The following SLCO1A2 variants were observed in gnomAD, a reference collection of about 807,000 sequenced individuals.
SLCO1A2 encodes OATP-1.
In SLCO1A2, 67 loss-of-function variants were observed where a neutral mutation model predicts 69.0. The ratio of observed to expected loss-of-function variants is 0.97; its 90% confidence interval spans 0.80 to 1.19. The LOEUF is 1.19. SLCO1A2 is among the 50% of genes most tolerant of loss of function. SLCO1A2 has a pLI of 0.00. For synonymous variants in SLCO1A2, 260 were observed against 265.9 expected (o/e 0.98, Z 0.22); for missense variants, 787 against 793.7 (o/e 0.99, Z 0.10).
intron 8 of SLCO1A2, among the ~76,000 whole-genome samples, chr12:21,298,567 G>T (rs2417973): frequency 0.073 from 11,174 of 152,160 alleles, 1,322 homozygotes; most frequent in African/African-American, 0.25. Context: ...ACAGATTAAT[G>T]CAAGTAAATG....
At chr12:21,382,257 T>C (rs1940631722) in intron 1 of SLCO1A2, among the ~76,000 whole-genome samples, 1 of 152,086 alleles carries the variant, frequency 6.6e-6, no homozygotes, top group Non-Finnish European at 1.5e-5. Flanking sequence ...ATGTTCTCAC[T>C]TACAAGGGGG....
intron 2 of SLCO1A2, chr12:21,373,734 G>A (rs567801214): frequency 8.6e-6 from 6 of 701,124 alleles, no homozygotes; most frequent in Non-Finnish European, 1.6e-5. Flanking sequence ...AAATCAAAAG[G>A]TAGTAATTTC....
At chr12:21,289,463 C>T (rs992797125) in intron 12 of SLCO1A2, among the ~76,000 whole-genome samples, 4 of 151,994 alleles carry the variant, frequency 2.6e-5, no homozygotes, top group Non-Finnish European at 4.4e-5. Flanking sequence ...TTCTCAGCCC[C>T]ACACTCAGAC....
intron 2 of SLCO1A2, among the ~76,000 whole-genome samples, chr12:21,330,860 C>A (rs1011940123): frequency 6.6e-6 from 1 of 152,080 alleles, no homozygotes; most frequent in South Asian, 2.1e-4. Flanking sequence ...GTTTTACTAA[C>A]CTTATTACAA....
chr12:21,349,009 T>TG (rs1937719105), intron 2 of SLCO1A2, among the ~76,000 whole-genome samples: 1 of 152,020 alleles, frequency 6.6e-6, no homozygotes, highest in African/African-American at 2.4e-5. Context: ...TATACAGCTG[T>TG]GGGGGTAGGA....
At chr12:21,403,568 G>A (rs180758282) in intron 1 of SLCO1A2, 1 of 152,202 alleles carries the variant, frequency 6.6e-6, no homozygotes, top group Non-Finnish European at 1.5e-5. Context: ...AAGCAGAGTT[G>A]TAAATAAAAG....
intron 1 of SLCO1A2, among the ~76,000 whole-genome samples, chr12:21,405,181 T>G (rs1202383002): frequency 6.6e-6 from 1 of 152,052 alleles, no homozygotes. Flanking sequence ...AGGTTGTCTG[T>G]TCACTCGGAT....
At chr12:21,316,875 A>G (rs1385371067) in intron 3 of SLCO1A2, among the ~76,000 whole-genome samples, 1 of 152,198 alleles carries the variant, frequency 6.6e-6, no homozygotes, top group Non-Finnish European at 1.5e-5. Context: ...TTTGTCACCA[A>G]TTGTCACCAA....
At chr12:21,403,214 T>C (rs537091270) in intron 1 of SLCO1A2, among the ~76,000 whole-genome samples, 5 of 152,214 alleles carry the variant, frequency 3.3e-5, no homozygotes, top group African/African-American at 1.2e-4. Flanking sequence ...TGTGCATGCA[T>C]AAACAAACAA....
chr12:21,309,696 C>CA (rs1309639076), intron 4 of SLCO1A2, among the ~76,000 whole-genome samples: 6 of 151,922 alleles, frequency 3.9e-5, no homozygotes, highest in Non-Finnish European at 8.8e-5. Flanking sequence ...ATTTCCTTCA[C>CA]AAAAACAAGT....
intron 2 of SLCO1A2, among the ~76,000 whole-genome samples, chr12:21,348,516 A>G (rs1398287316): frequency 6.6e-6 from 1 of 152,176 alleles, no homozygotes; most frequent in Non-Finnish European, 1.5e-5. Context: ...ATTCTGTGAC[A>G]GGCTTATTTC....
chr12:21,348,297 G>T lies in SLCO1A2; in HGVS notation c.-62-13588C>A, dbSNP rs181981245. On this transcript the variant is annotated intron_variant, in intron 2 of 15. Transcript: ENST00000307378. ...TAAAATGTATGGTTAAGTCATTTTT[G>T]ACTATAGTCACCCTGTTGTACTATC... Among the ~76,000 whole-genome samples the T allele has an allele frequency of 3.3e-3, 506 of 152,104 alleles. 9 individuals are homozygous for T. Among genetic ancestry groups the T allele is most frequent in the African/African-American group, 0.012 (491 of 41,484 alleles).
intron 2 of SLCO1A2, among the ~76,000 whole-genome samples, chr12:21,347,669 A>AAGG (rs1555122068): frequency 1.9e-4 from 21 of 113,494 alleles, no homozygotes; most frequent in African/African-American, 5.6e-4. Context: ...AGAAAGAAAG[A>AAGG]AAGGAAGGAA....
At chr12:21,341,179 G>A (rs1170305278) in intron 2 of SLCO1A2, among the ~76,000 whole-genome samples, 4 of 151,882 alleles carry the variant, frequency 2.6e-5, no homozygotes, top group African/African-American at 7.3e-5. Context: ...CTAGAGAATC[G>A]TAACTACCCT....
chr12:21,372,459 T>C (rs188450263), intron 2 of SLCO1A2, among the ~76,000 whole-genome samples: 14 of 152,342 alleles, frequency 9.2e-5, no homozygotes, highest in Non-Finnish European at 1.5e-5. Flanking sequence ...GCCCTTTTTA[T>C]ACACCTTTCC....
intron 1 of SLCO1A2, among the ~76,000 whole-genome samples, chr12:21,412,088 A>G (rs1941915726): frequency 6.6e-6 from 1 of 152,188 alleles, no homozygotes; most frequent in Non-Finnish European, 1.5e-5. Flanking sequence ...ATGTTTTGTA[A>G]TATCTATGAA....
intron 6 of SLCO1A2, 36 bp from the exon 7 acceptor site, chr12:21,301,305 T>A: frequency 7.1e-7 from 1 of 1,413,430 alleles, no homozygotes; most frequent in Non-Finnish European, 9.8e-7. Flanking sequence ...TATAGTACAG[T>A]TATATGCCCA....
At chr12:21,291,845 A>G (rs1315853330) in intron 12 of SLCO1A2, among the ~76,000 whole-genome samples, 1 of 152,130 alleles carries the variant, frequency 6.6e-6, no homozygotes, top group African/African-American at 2.4e-5. Context: ...CTCTTTACCT[A>G]TCAAAATGGC....
At chr12:21,331,615 G>A (rs186680884) in intron 2 of SLCO1A2, among the ~76,000 whole-genome samples, 13 of 132,478 alleles carry the variant, frequency 9.8e-5, no homozygotes, top group Admixed American at 3.5e-4. Flanking sequence ...AAGGAGAATC[G>A]CTGAGATAAA....
Sources: allele counts gnomAD v4.1 joint callset (sites outside exome capture counted in the v4.1 genomes callset), GRCh38; gene constraint gnomAD v4.1.1; transcripts MANE v1.5; gene names NCBI Gene and HGNC (gene_info 2026-07-23, HGNC 2026-07-21).